SLC24A3: variants seen among roughly 807,000 people sequenced by gnomAD.
SLC24A3 encodes sodium/potassium/calcium exchanger 3.
In SLC24A3, 28 loss-of-function variants were observed where a neutral mutation model predicts 75.8. The observed-to-expected ratio is 0.37, with a 90% CI of 0.27 to 0.51. The LOEUF is 0.51. Ranked by LOEUF, SLC24A3 falls within the 20% of genes least tolerant of loss-of-function variation. The pLI is 0.94. For missense variants in SLC24A3, 663 were observed against 847.8 expected (o/e 0.78, Z 2.71); for synonymous variants, 372 against 334.1 (o/e 1.11, Z -1.24).
chr20:19,665,020 C>T (rs1038907127), intron 7 of SLC24A3, among the ~76,000 whole-genome samples: 2 of 152,208 alleles, frequency 1.3e-5, no homozygotes, highest in African/African-American at 2.4e-5. Context: ...TAGGCTTCCC[C>T]CCATGCCCCC....
intron 2 of SLC24A3, among the ~76,000 whole-genome samples, chr20:19,510,655 G>A (rs1415821224): frequency 6.6e-6 from 1 of 152,208 alleles, no homozygotes; most frequent in Non-Finnish European, 1.5e-5. Flanking sequence ...GTCCAAATAA[G>A]AGGAGGAAGA....
intron 3 of SLC24A3, among the ~76,000 whole-genome samples, chr20:19,554,773 G>T (rs546244761): frequency 6.6e-6 from 1 of 152,178 alleles, no homozygotes; most frequent in African/African-American, 2.4e-5. Context: ...TTCTGAATGT[G>T]CCAGCTTTCT....
intron 6 of SLC24A3, among the ~76,000 whole-genome samples, chr20:19,587,087 C>A (rs948164192): frequency 6.6e-6 from 1 of 152,186 alleles, no homozygotes; most frequent in Non-Finnish European, 1.5e-5. Context: ...AAGAGTCTGT[C>A]GCTGTTAGCA....
intron 13 of SLC24A3, chr20:19,693,626 T>G (rs570961228): frequency 6.6e-6 from 4 of 604,562 alleles, no homozygotes; most frequent in Non-Finnish European, 1.1e-5. Flanking sequence ...GACTGTGGAT[T>G]CATTAATCTT....
intron 3 of SLC24A3, among the ~76,000 whole-genome samples, chr20:19,555,594 C>G (rs1373716417): frequency 6.6e-6 from 1 of 152,178 alleles, no homozygotes; most frequent in African/African-American, 2.4e-5. Context: ...GCACCAGTGA[C>G]TTGTTCCTTC....
intron 6 of SLC24A3, among the ~76,000 whole-genome samples, chr20:19,610,213 AT>A (rs921912821): frequency 6.1e-5 from 9 of 147,278 alleles, no homozygotes; most frequent in African/African-American, 2.3e-4. Flanking sequence ...CCCTTCTTTT[AT>A]TTTTCTTTTT....
chr20:19,236,716 A>G (rs570873669), intron 1 of SLC24A3, among the ~76,000 whole-genome samples: 156 of 152,200 alleles, frequency 1.0e-3, no homozygotes, highest in Non-Finnish European at 2.1e-3. Context: ...TGATTGCGCC[A>G]CTTCACTCCA....
At chr20:19,630,204 T>A (rs2031917045) in intron 6 of SLC24A3, among the ~76,000 whole-genome samples, 1 of 152,166 alleles carries the variant, frequency 6.6e-6, no homozygotes, top group African/African-American at 2.4e-5. Context: ...CAGATGGAGA[T>A]GAGGGAGATT....
intron 2 of SLC24A3, among the ~76,000 whole-genome samples, chr20:19,456,569 C>G (rs572371970): frequency 2.3e-4 from 35 of 152,288 alleles, no homozygotes; most frequent in African/African-American, 6.0e-4. Context: ...GTAAATTGCC[C>G]AGTCTTTATT....
At chr20:19,435,556 C>G (rs1987184130) in intron 2 of SLC24A3, among the ~76,000 whole-genome samples, 1 of 152,182 alleles carries the variant, frequency 6.6e-6, no homozygotes, top group Non-Finnish European at 1.5e-5. Flanking sequence ...CAGTACTGGA[C>G]AGTTAGGGGT....
At chr20:19,360,140 A>G (rs1985759908) in intron 2 of SLC24A3, among the ~76,000 whole-genome samples, 3 of 152,242 alleles carry the variant, frequency 2.0e-5, no homozygotes, top group Non-Finnish European at 2.9e-5. Context: ...GGTGTGTAAG[A>G]AGAATTTGAC....
At chr20:19,251,262 C>T (rs994085898) in intron 1 of SLC24A3, among the ~76,000 whole-genome samples, 1 of 152,166 alleles carries the variant, frequency 6.6e-6, no homozygotes, top group Admixed American at 6.5e-5. Context: ...TGGAGGTGCC[C>T]CTCCCTCATA....
At chr20:19,379,471 GATA>G (rs1986145494) in intron 2 of SLC24A3, among the ~76,000 whole-genome samples, 2 of 152,272 alleles carry the variant, frequency 1.3e-5, no homozygotes, top group East Asian at 3.9e-4. Flanking sequence ...GAGGGGGTTT[GATA>G]AGCCCGAGTC....
chr20:19,364,415 T>A (rs1985847640), intron 2 of SLC24A3, among the ~76,000 whole-genome samples: 1 of 151,720 alleles, frequency 6.6e-6, no homozygotes, highest in Non-Finnish European at 1.5e-5. Context: ...AGTTCAGGAA[T>A]AAGGTGTCCA....
At chr20:19,667,075 C>T (rs1190704733) in intron 8 of SLC24A3, among the ~76,000 whole-genome samples, 1 of 152,156 alleles carries the variant, frequency 6.6e-6, no homozygotes, top group African/African-American at 2.4e-5. Context: ...TCACTTTCAG[C>T]AAAATGACTG....
intron 2 of SLC24A3, among the ~76,000 whole-genome samples, chr20:19,306,155 A>G (rs1348501357): frequency 1.3e-5 from 2 of 152,268 alleles, no homozygotes; most frequent in Non-Finnish European, 2.9e-5. Flanking sequence ...AGAGAAATGC[A>G]AATCAAAGCA....
intron 1 of SLC24A3, among the ~76,000 whole-genome samples, chr20:19,218,394 C>A (rs1981621332): frequency 6.6e-6 from 1 of 152,132 alleles, no homozygotes; most frequent in African/African-American, 2.4e-5. Context: ...GGGATTTGAA[C>A]CCAAGTCCAC....
At chr20:19,451,195 C>G (rs1987474177) in intron 2 of SLC24A3, among the ~76,000 whole-genome samples, 1 of 152,188 alleles carries the variant, frequency 6.6e-6, no homozygotes, top group African/African-American at 2.4e-5. Flanking sequence ...AAAGAAAACA[C>G]ATATTTTAAA....
rs368946403 is a variant in SLC24A3 at position 19,384,568 on chromosome 20, A to G, written c.271+103481A>G. On this transcript the variant is annotated intron_variant, in intron 2 of 16. Coordinates refer to ENST00000328041, the MANE Select transcript of SLC24A3 (RefSeq NM_020689.4). ...TATATATACCACCTTTTCTTTACCT[A>G]TTCATCTGTAGGTAGATGGACACTT... Among the ~76,000 whole-genome samples, 85 of 152,258 alleles carry G rather than the reference A, an allele frequency of 5.6e-4. No individual in the cohort carries two copies. The South Asian group carries it at 1.0e-2, about 18-fold the overall frequency.
Sources: allele counts gnomAD v4.1 joint callset (sites outside exome capture counted in the v4.1 genomes callset), GRCh38; gene constraint gnomAD v4.1.1; transcripts MANE v1.5; gene names NCBI Gene and HGNC (gene_info 2026-07-23, HGNC 2026-07-21).